DNAH7: variants seen among roughly 807,000 people sequenced by gnomAD.
DNAH7 encodes dynein axonemal heavy chain 7, also known as axonemal beta dynein heavy chain 7.
In DNAH7, 397 loss-of-function variants were observed where a neutral mutation model predicts 444.6. The ratio of observed to expected loss-of-function variants is 0.89; its 90% CI spans 0.82 to 0.97. DNAH7 has a LOEUF of 0.97. Among genes scored for constraint, DNAH7 ranks in the 50% least tolerant of loss-of-function variants. The pLI is 0.00. For missense variants in DNAH7, 4,902 were observed against 4,800.8 expected (o/e 1.02, Z -0.62); for synonymous variants, 1,636 against 1,624.4 (o/e 1.01, Z -0.17).
chr2:195,817,019 C>T lies in DNAH7; in HGVS notation c.9426-56G>A, dbSNP rs566429117. The stretch of plus-strand genomic sequence containing the variant: ...AAAGAAGTCATTTAAAATCATTTCA[C>T]GTATATGTTCTTTTATAAGAAACAA... On this transcript the variant is annotated intron_variant, in intron 50 of 64. Coordinates refer to ENST00000312428, the MANE Select transcript of DNAH7 (RefSeq NM_018897.3). 195 of 1,270,508 alleles carry T rather than the reference C, an allele frequency of 1.5e-4. No homozygotes were observed. In the African/African-American group the frequency reaches 2.0e-3, roughly 13 times the overall value. 78.7% of individuals were successfully genotyped at this position (1,270,508 alleles called of 1,614,324 possible).
chr2:195,960,408 C>G lies in DNAH7; in HGVS notation c.2743G>C (p.Val915Leu). The G allele has an allele frequency of 6.2e-7, 1 of 1,614,214 alleles. No homozygotes were observed. Among genetic ancestry groups the G allele is most frequent in the Non-Finnish European group, 8.5e-7 (1 of 1,180,026 alleles). The change falls in exon 18 of 65, where the codon GTG becomes CTG. Residue 915 changes from valine (V) to leucine (L), a missense_variant. Coordinates refer to ENST00000312428, the MANE Select transcript of DNAH7 (RefSeq NM_018897.3). The part of the protein sequence containing the change: ...MEKMITEWDA[V>L]EFVIHSYRET... ...CTATAAGAATGGATGACAAATTCCA[C>G]TGCATCCCACTCAGTAATCATCTTC...
intron 18 of DNAH7, among the ~76,000 whole-genome samples, chr2:195,959,335 C>G (rs1690918299): frequency 6.6e-6 from 1 of 152,096 alleles, no homozygotes; most frequent in Admixed American, 6.6e-5. Context: ...TTCTTCTTCC[C>G]TCTTTTTCTA....
intron 38 of DNAH7, 69 bp downstream of exon 38, chr2:195,875,606 C>A (rs984595908): frequency 6.3e-6 from 9 of 1,426,650 alleles, no homozygotes; most frequent in Non-Finnish European, 7.6e-6. Context: ...GGATTTTTTT[C>A]CAGTTATTTC....
At chr2:195,968,945 G>A (rs1043818416) in intron 17 of DNAH7, among the ~76,000 whole-genome samples, 4 of 152,180 alleles carry the variant, frequency 2.6e-5, no homozygotes, top group Admixed American at 2.0e-4. Flanking sequence ...CAGTCACTAC[G>A]CTGTCCCTCC....
At chr2:195,976,782 A>AGAGAGAGAGAGG (rs1271798254) in intron 15 of DNAH7, among the ~76,000 whole-genome samples, 4 of 146,600 alleles carry the variant, frequency 2.7e-5, no homozygotes, top group South Asian at 2.1e-4. Context: ...AGAGAGAGAG[A>AGAGAGAGAGAGG]GAGAGACTCT....
intron 58 of DNAH7, among the ~76,000 whole-genome samples, chr2:195,779,147 T>C (rs1206343356): frequency 6.6e-6 from 1 of 152,188 alleles, no homozygotes; most frequent in Admixed American, 6.5e-5. Context: ...CCAGCCAGAC[T>C]GTACACTTTT....
intron 25 of DNAH7, among the ~76,000 whole-genome samples, chr2:195,909,246 T>A (rs911852981): frequency 6.6e-6 from 1 of 151,948 alleles, no homozygotes; most frequent in Non-Finnish European, 1.5e-5. Flanking sequence ...AAATAAAAAT[T>A]GGAAATAAAA....
intron 53 of DNAH7, 138 bp from the exon 54 acceptor site, chr2:195,806,970 G>A: frequency 2.5e-5 from 14 of 569,312 alleles, no homozygotes; most frequent in East Asian, 3.0e-5. Context: ...TGTAAAGTTG[G>A]GACATTATAA....
intron 15 of DNAH7, 99 bp from the exon 16 acceptor site, chr2:195,972,565 A>G: frequency 1.2e-6 from 1 of 844,296 alleles, no homozygotes; most frequent in Non-Finnish European, 1.9e-6. Context: ...CAGACTTATT[A>G]GAAGTCAACA....
chr2:195,747,121 A>C (rs1693465931), intron 63 of DNAH7, among the ~76,000 whole-genome samples: 1 of 152,166 alleles, frequency 6.6e-6, no homozygotes, highest in Non-Finnish European at 1.5e-5. Context: ...TAAAGAAGAA[A>C]AGAGAGAAGA....
intron 48 of DNAH7, 66 bp downstream of exon 48, chr2:195,834,140 A>C (rs748013551): frequency 6.8e-6 from 10 of 1,478,258 alleles, no homozygotes; most frequent in Non-Finnish European, 8.3e-6. Flanking sequence ...CAATCTATAC[A>C]GTTTTGGGTT....
At chr2:195,740,639 ATATATAC>A in intron 64 of DNAH7, 120 bp downstream of exon 64, 1 of 94,482 alleles carries the variant, frequency 1.1e-5, no homozygotes, top group Non-Finnish European at 2.0e-5. Context: ...ATATATATAT[ATATATAC>A]ATATACACAC....
At chr2:195,854,643 A>T (rs1699588468) in intron 45 of DNAH7, among the ~76,000 whole-genome samples, 1 of 152,204 alleles carries the variant, frequency 6.6e-6, no homozygotes, top group South Asian at 2.1e-4. Context: ...GGACTATGGC[A>T]AAGTTGCCAT....
At chr2:195,933,404 T>C (rs1207010051) in intron 21 of DNAH7, among the ~76,000 whole-genome samples, 2 of 152,204 alleles carry the variant, frequency 1.3e-5, no homozygotes, top group African/African-American at 4.8e-5. Flanking sequence ...ACTGGGTCTA[T>C]ACCTAAAGGA....
At position 195,740,836 on chromosome 2, in the gene DNAH7, G is replaced by T. The variant is rs1692987453; in HGVS notation, c.11798C>A (p.Ala3933Asp). ...VFIHGLFLDG[A>D]SWNRKIKKLA... is the part of the protein sequence containing the mutation. The stretch of plus-strand genomic sequence containing the variant: ...TTTCTTGATCTTTCTATTCCAGGAA[G>T]CTCCATCCAGAAATAATCCGTGAAT... The change falls in exon 64 of 65, where the codon GCT (alanine) becomes GAT (aspartate). Residue 3933 changes from alanine (A) to aspartate (D), a missense_variant. Transcript: ENST00000312428. 1.9e-6 allele frequency: 3 copies of T among 1,563,882 alleles called. No homozygotes were observed. Among genetic ancestry groups the T allele is most frequent in the Non-Finnish European group, 2.6e-6 (3 of 1,154,110 alleles).
intron 1 of DNAH7, 162 bp downstream of exon 1, chr2:196,068,535 C>G (rs1262360057): frequency 3.3e-6 from 3 of 921,804 alleles, no homozygotes; most frequent in Non-Finnish European, 4.8e-6. Flanking sequence ...AGGGCATTCA[C>G]GGAAAGCGCT....
intron 10 of DNAH7, among the ~76,000 whole-genome samples, chr2:196,002,645 T>G (rs1192367820): frequency 6.6e-6 from 1 of 152,210 alleles, no homozygotes; most frequent in Admixed American, 6.5e-5. Context: ...AATATATTTA[T>G]TCATCCCTTT....
At chr2:195,760,426 C>A (rs1272578411) in intron 61 of DNAH7, among the ~76,000 whole-genome samples, 1 of 152,148 alleles carries the variant, frequency 6.6e-6, no homozygotes, top group East Asian at 1.9e-4. Context: ...CTTGAGCAAA[C>A]ATAGACAGTA....
At position 195,871,581 on chromosome 2, in the gene DNAH7, T is replaced by G. The variant is rs560222863; in HGVS notation, c.6633+669A>C. On this transcript the variant is annotated intron_variant, in intron 40 of 64. Transcript: ENST00000312428. Reference sequence around the variant, plus strand: ...ATTCTTTTGGCATCTAGTAATACTATACAAATAAGTAATGTAAAAAAAAAA... The same window carrying G: ...ATTCTTTTGGCATCTAGTAATACTAGACAAATAAGTAATGTAAAAAAAAAA... Among the ~76,000 whole-genome samples, 37 of 151,754 alleles carry G rather than the reference T, an allele frequency of 2.4e-4. No individual in the cohort carries two copies. The East Asian group carries it at 7.2e-3, about 29-fold the overall frequency.
Sources: gnomAD v4.1 joint callset for allele counts (sites outside exome capture counted in the v4.1 genomes callset) on GRCh38, gnomAD v4.1.1 for gene constraint, MANE v1.5 for transcripts, NCBI Gene and HGNC (gene_info 2026-07-23, HGNC 2026-07-21) for gene names.